The following PTPRD variants were observed in gnomAD, a reference collection of about 807,000 sequenced individuals.
The protein encoded by PTPRD is receptor-type tyrosine-protein phosphatase delta.
PTPRD carries 34 observed loss-of-function variants against 214.5 expected under a neutral mutation model. That is an observed-to-expected ratio of 0.16 (90% CI 0.12 to 0.21). PTPRD has a LOEUF of 0.21. Ranked by LOEUF, PTPRD falls within the 10% of genes least tolerant of loss-of-function variation. The probability of loss-of-function intolerance (pLI) is 1.00; values close to 1 mark genes in which losing one functional copy is unlikely to be tolerated. For missense variants in PTPRD, 2,545 were observed against 2,398.7 expected (o/e 1.06, Z -1.27); for synonymous variants, 1,128 against 845.7 (o/e 1.33, Z -5.79).
At chr9:10,311,267 C>T (rs1205850172) in intron 3 of PTPRD, among the ~76,000 whole-genome samples, 1 of 151,722 alleles carries the variant, frequency 6.6e-6, no homozygotes, top group Non-Finnish European at 1.5e-5. Flanking sequence ...TTCACAATGC[C>T]TTTTTCTAAA....
chr9:8,891,505 T>C (rs1021229445), intron 11 of PTPRD, among the ~76,000 whole-genome samples: 1 of 151,646 alleles, frequency 6.6e-6, no homozygotes, highest in African/African-American at 2.4e-5. Flanking sequence ...TAAAAAACAA[T>C]GCTAATACAT....
intron 11 of PTPRD, among the ~76,000 whole-genome samples, chr9:9,016,800 G>A (rs570921267): frequency 4.6e-5 from 7 of 152,250 alleles, no homozygotes; most frequent in African/African-American, 1.7e-4. Flanking sequence ...TGTTGACCAA[G>A]TTCAAAGTAC....
chr9:8,448,546 C>T (rs150143292), intron 34 of PTPRD, among the ~76,000 whole-genome samples: 4 of 152,212 alleles, frequency 2.6e-5, no homozygotes, highest in Non-Finnish European at 4.4e-5. Flanking sequence ...CAAGTTTGTT[C>T]AATCATCATG....
At chr9:8,809,533 C>A (rs1433735076) in intron 11 of PTPRD, among the ~76,000 whole-genome samples, 1 of 152,172 alleles carries the variant, frequency 6.6e-6, no homozygotes, top group Non-Finnish European at 1.5e-5. Context: ...AAACTCTCAG[C>A]TCAACCACTG....
chr9:8,687,880 G>C (rs1305896187), intron 12 of PTPRD, among the ~76,000 whole-genome samples: 1 of 151,982 alleles, frequency 6.6e-6, no homozygotes, highest in Non-Finnish European at 1.5e-5. Flanking sequence ...AAAATTGAGA[G>C]GCCTTGGTTC....
Position 8,508,532 on chromosome 9 carries a change from T to C in PTPRD, c.1544-1098A>G, listed in dbSNP as rs149128623. On this transcript the variant is annotated intron_variant, in intron 21 of 45. Transcript: ENST00000381196. ...TCTCAATGTGCTGTGGCTGAACATATGTTCATATTCCCTCAAGTTTAAATA... is the reference window on the plus strand; with the variant it reads ...TCTCAATGTGCTGTGGCTGAACATACGTTCATATTCCCTCAAGTTTAAATA... Among the ~76,000 whole-genome samples the C allele has an allele frequency of 7.1e-4, 108 of 152,280 alleles. 3 individuals carry two copies. In the East Asian group the frequency reaches 8.9e-3, roughly 13 times the overall value.
At chr9:8,541,616 A>T (rs2078441745) in intron 14 of PTPRD, among the ~76,000 whole-genome samples, 1 of 151,686 alleles carries the variant, frequency 6.6e-6, no homozygotes. Context: ...TAATCCTTCC[A>T]CCCTGGCCTT....
At chr9:9,678,739 A>G (rs2096992166) in intron 7 of PTPRD, among the ~76,000 whole-genome samples, 1 of 151,846 alleles carries the variant, frequency 6.6e-6, no homozygotes, top group Admixed American at 6.6e-5. Context: ...CATAACAAGG[A>G]GTCAGTCTAA....
intron 35 of PTPRD, among the ~76,000 whole-genome samples, chr9:8,427,163 G>C (rs576718396): frequency 1.9e-4 from 29 of 152,120 alleles, no homozygotes; most frequent in Non-Finnish European, 3.5e-4. Flanking sequence ...AAGCGGCTCA[G>C]GGACTTTATT....
chr9:8,335,482 G>A (rs1274831486), intron 43 of PTPRD, among the ~76,000 whole-genome samples: 2 of 152,104 alleles, frequency 1.3e-5, no homozygotes, highest in Admixed American at 6.6e-5. Context: ...AGGTACTGAT[G>A]GAACGTATCT....
chr9:9,705,130 C>G (rs1174690141), intron 7 of PTPRD, among the ~76,000 whole-genome samples: 6 of 152,086 alleles, frequency 3.9e-5, no homozygotes, highest in African/African-American at 1.4e-4. Flanking sequence ...GAAATTCATC[C>G]TACATACTTG....
intron 2 of PTPRD, among the ~76,000 whole-genome samples, chr9:10,418,243 A>C (rs1210754725): frequency 6.6e-6 from 1 of 151,898 alleles, no homozygotes; most frequent in African/African-American, 2.4e-5. Context: ...TATCTAGCTC[A>C]AGACAAATAT....
intron 14 of PTPRD, among the ~76,000 whole-genome samples, chr9:8,546,366 G>A (rs1463878808): frequency 6.6e-6 from 1 of 152,170 alleles, no homozygotes; most frequent in Non-Finnish European, 1.5e-5. Flanking sequence ...GCCCTATAAT[G>A]TTGTGAAATT....
intron 10 of PTPRD, among the ~76,000 whole-genome samples, chr9:9,131,633 G>C (rs1301213546): frequency 6.6e-6 from 1 of 152,098 alleles, no homozygotes; most frequent in Non-Finnish European, 1.5e-5. Context: ...CTTTGCTTAA[G>C]TATGGAAAAG....
At chr9:9,080,176 A>T (rs959154554) in intron 10 of PTPRD, among the ~76,000 whole-genome samples, 1 of 152,050 alleles carries the variant, frequency 6.6e-6, no homozygotes, top group African/African-American at 2.4e-5. Context: ...CCCATGTTAA[A>T]AATAGAAAGC....
chr9:8,775,417 C>G (rs1163030286), intron 11 of PTPRD, among the ~76,000 whole-genome samples: 1 of 152,080 alleles, frequency 6.6e-6, no homozygotes, highest in Admixed American at 6.6e-5. Context: ...TAACTTTGAA[C>G]TCTCTGCATA....
At chr9:10,292,253 C>T (rs10959028) in intron 3 of PTPRD, among the ~76,000 whole-genome samples, 2 of 152,146 alleles carry the variant, frequency 1.3e-5, no homozygotes, top group East Asian at 1.9e-4. Context: ...TCTGTCAGCA[C>T]ATCCTTCAGC....
intron 5 of PTPRD, among the ~76,000 whole-genome samples, chr9:9,845,212 C>CTA (rs370895852): frequency 0.02 from 2,352 of 119,990 alleles, 92 homozygotes; most frequent in African/African-American, 0.059. Flanking sequence ...ATATATACTG[C>CTA]TATATATATA....
At chr9:9,512,940 T>C (rs1358081532) in intron 8 of PTPRD, among the ~76,000 whole-genome samples, 1 of 151,836 alleles carries the variant, frequency 6.6e-6, no homozygotes, top group Non-Finnish European at 1.5e-5. Flanking sequence ...TTTCATGCAT[T>C]CTTTCAATGA....
Sources: gnomAD v4.1 joint callset for allele counts (sites outside exome capture counted in the v4.1 genomes callset) on GRCh38, gnomAD v4.1.1 for gene constraint, MANE v1.5 for transcripts, NCBI Gene and HGNC (gene_info 2026-07-23, HGNC 2026-07-21) for gene names.